The following ZNF331 variants were observed in gnomAD, a reference collection of about 807,000 sequenced individuals.
ZNF331 encodes the protein C2H2-like zinc finger protein rearranged in thyroid adenomas.
ZNF331 carries 2 observed loss-of-function variants against 7.0 expected under a neutral mutation model. The ratio of observed to expected loss-of-function variants is 0.29; its 90% CI spans 0.12 to 0.90. The LOEUF is 0.90. Among genes scored for constraint, ZNF331 ranks in the 40% least tolerant of loss-of-function variants. ZNF331 has a pLI of 0.58. For synonymous variants in ZNF331, 196 were observed against 205.4 expected, an observed-to-expected ratio of 0.95 and a Z score of 0.39; for missense variants, 432 against 587.7, an observed-to-expected ratio of 0.74 and a Z score of 2.74.
Position 53,577,706 on chromosome 19 carries a change from G to T in ZNF331, c.1146G>T (p.Pro382=), listed in dbSNP as rs78728132. 2 of 1,613,480 alleles carry T rather than the reference G, an allele frequency of 1.2e-6. No individual in the cohort carries two copies. The highest frequency in any genetic ancestry group is 2.7e-5 in the African/African-American group (2 of 74,694). The change falls in exon 6 of 6, where the codon CCG becomes CCT. Residue 382 remains proline (P), a synonymous_variant. Coordinates refer to ENST00000449416, the MANE Select transcript of ZNF331 (RefSeq NM_001079906.2). ...QHERIHTGET[P]YKCKECGKAF... ...AGAGAATCCACACAGGCGAAACCCC[G>T]TATAAATGTAAGGAGTGTGGGAAGG...
intron 5 of ZNF331, among the ~76,000 whole-genome samples, chr19:53,575,473 G>T (rs1252810703): frequency 3.0e-5 from 4 of 135,126 alleles, no homozygotes; most frequent in African/African-American, 1.1e-4. Flanking sequence ...TGTTGCTTTT[G>T]AATGTTGTAT....
chr19:53,517,715 G>A (rs2086936093), upstream of ZNF331, among the ~76,000 whole-genome samples: 1 of 152,172 alleles, frequency 6.6e-6, no homozygotes, highest in Admixed American at 6.5e-5. Flanking sequence ...TGCAAGCTGA[G>A]GAAGAAAGAA....
Position 53,571,641 on chromosome 19 carries a change from C to G in ZNF331, c.47C>G (p.Ser16Cys), listed in dbSNP as rs1273882418. The G allele has an allele frequency of 2.5e-6, 4 of 1,614,092 alleles. No individual in the cohort carries two copies. The Admixed American group carries it at 6.7e-5, about 27-fold the overall frequency. ...VTFADVAIDF[S>C]QEEWACLNSA... ...TTCGCCGACGTAGCCATAGACTTTT[C>G]TCAGGAGGAGTGGGCCTGTCTGAAC... The change falls in exon 5 of 6, where the codon TCT (serine) becomes TGT (cysteine). Residue 16 changes from serine to cysteine, a missense_variant. Ser to Cys is a moderately radical substitution (Grantham distance 112). Transcript: ENST00000449416. The surrounding 1 kb of genome is among the most constrained non-coding windows in gnomAD (Gnocchi z 4.7).
In ZNF331 at chr19:53,546,140, G is replaced by GAAAAAAAAAAAAAAAAAAAAAAA. The variant is rs527391326; in HGVS notation, c.-138+6879_-138+6880insAAAAAAAAAAAAAAAAAAAAAAA. Among the ~76,000 whole-genome samples, 259 of 113,402 alleles carry GAAAAAAAAAAAAAAAAAAAAAAA rather than the reference G, an allele frequency of 2.3e-3. 8 individuals carry two copies. The highest frequency in any genetic ancestry group is 3.1e-3 in the African/African-American group (105 of 34,350). The allele number at this position is 113,402 out of a possible 152,430, so 74.4% of individuals were successfully genotyped here. ...CCTTCAGAAAAAGCATCCTGAGGGG[G>GAAAAAAAAAAAAAAAAAAAAAAA]AAAAAAAAAAAAAAAAAAAAATTAT... On this transcript the variant is annotated intron_variant, in intron 2 of 5. Coordinates refer to ENST00000449416, the MANE Select transcript of ZNF331 (RefSeq NM_001079906.2).
chr19:53,576,629 G>A (rs2090736969), intron 5 of ZNF331, 68 bp from the exon 6 acceptor site: 2 of 1,376,526 alleles, frequency 1.5e-6, no homozygotes, highest in African/African-American at 2.9e-5. Flanking sequence ...ACGAGTTTTT[G>A]GTTTGTGGTT....
At chr19:53,568,518 A>G (rs1010796501) in intron 3 of ZNF331, among the ~76,000 whole-genome samples, 13 of 152,186 alleles carry the variant, frequency 8.5e-5, no homozygotes, top group African/African-American at 3.1e-4. Context: ...CTGCGTGACC[A>G]AAAGCTCCTA....
intron 5 of ZNF331, among the ~76,000 whole-genome samples, chr19:53,572,084 C>G (rs898277742): frequency 6.6e-6 from 1 of 152,128 alleles, no homozygotes; most frequent in Non-Finnish European, 1.5e-5. Context: ...TAGGGACCCA[C>G]GTCTAGGGAA....
intron 2 of ZNF331, among the ~76,000 whole-genome samples, chr19:53,541,897 C>A (rs953552901): frequency 6.6e-6 from 1 of 151,872 alleles, no homozygotes; most frequent in Non-Finnish European, 1.5e-5. Flanking sequence ...CCTATAGTTT[C>A]AGCTACTCAG....
At chr19:53,553,269 G>T (rs1438371887) in intron 2 of ZNF331, among the ~76,000 whole-genome samples, 1 of 147,420 alleles carries the variant, frequency 6.8e-6, no homozygotes, top group Non-Finnish European at 1.5e-5. Flanking sequence ...CCTGGCCTAG[G>T]CAACAAGAGT....
At chr19:53,530,924 G>A (rs1465167973) in intron 2 of ZNF331, among the ~76,000 whole-genome samples, 1 of 152,170 alleles carries the variant, frequency 6.6e-6, no homozygotes, top group Non-Finnish European at 1.5e-5. Flanking sequence ...CTTACAGAGG[G>A]AGGTCAGCTA....
At chr19:53,555,823 C>G (rs1459779124) in intron 2 of ZNF331, 22 bp from the exon 3 acceptor site, 1 of 152,114 alleles carries the variant, frequency 6.6e-6, no homozygotes, top group East Asian at 1.9e-4. Flanking sequence ...AGGTGTTACC[C>G]TTCTGGTTCT....
intron 2 of ZNF331, among the ~76,000 whole-genome samples, chr19:53,524,266 T>C (rs2087205779): frequency 6.6e-6 from 1 of 152,244 alleles, no homozygotes; most frequent in Non-Finnish European, 1.5e-5. Flanking sequence ...TATAATCTTT[T>C]GGGTATATAC....
upstream of ZNF331, among the ~76,000 whole-genome samples, chr19:53,536,600 T>C (rs1009845967): frequency 3.3e-5 from 5 of 152,214 alleles, no homozygotes; most frequent in Admixed American, 3.3e-4. Flanking sequence ...AAGATTTTCA[T>C]TTTTAAAAAT....
chr19:53,505,722 C>T, the ZNF331 span, among the ~76,000 whole-genome samples: 3 of 151,958 alleles, frequency 2.0e-5, no homozygotes, highest in Non-Finnish European at 4.4e-5. Flanking sequence ...CGTGGTGGCT[C>T]ACGCCTGTAA....
At chr19:53,546,940 AG>A (rs1338343011) in intron 2 of ZNF331, among the ~76,000 whole-genome samples, 2 of 152,112 alleles carry the variant, frequency 1.3e-5, no homozygotes, top group Non-Finnish European at 2.9e-5. Flanking sequence ...TTCTGGATCT[AG>A]GGCAGAGGTT....
chr19:53,547,429 C>T (rs907027210), intron 2 of ZNF331, among the ~76,000 whole-genome samples: 1 of 152,146 alleles, frequency 6.6e-6, no homozygotes, highest in Non-Finnish European at 1.5e-5. Context: ...TTTATTAATT[C>T]CTGATGAGTA....
intron 2 of ZNF331, among the ~76,000 whole-genome samples, chr19:53,530,873 G>A (rs74512265): frequency 3.3e-5 from 5 of 152,300 alleles, no homozygotes; most frequent in Admixed American, 2.0e-4. Flanking sequence ...ACAGGTGTGC[G>A]AGTATCTTGG....
chr19:53,571,947 C>G lies in ZNF331; in HGVS notation c.136+217C>G, dbSNP rs1202246621. Among the ~76,000 whole-genome samples, 2 of 152,206 alleles carry G rather than the reference C, an allele frequency of 1.3e-5. No individual in the cohort carries two copies. The highest frequency in any genetic ancestry group is 1.5e-5 in the Non-Finnish European group (1 of 68,048). On this transcript the variant is annotated intron_variant, in intron 5 of 5. Coordinates refer to ENST00000449416, the MANE Select transcript of ZNF331 (RefSeq NM_001079906.2). The surrounding 1 kb of genome is among the most constrained non-coding windows in gnomAD (Gnocchi z 4.7). ...TGTCGACTCCCCCGTAATCATCTCA[C>G]TTCCTTAATGTCCGTGGAATGAGTG...
upstream of ZNF331, among the ~76,000 whole-genome samples, chr19:53,534,239 C>T (rs2087651628): frequency 6.6e-6 from 1 of 151,914 alleles, no homozygotes; most frequent in East Asian, 1.9e-4. Context: ...CATTCTCTTT[C>T]ATGGCCTTTC....
Sources: gnomAD v4.1 joint callset for allele counts (sites outside exome capture counted in the v4.1 genomes callset) on GRCh38, gnomAD v4.1.1 for gene constraint, Gnocchi (gnomAD v3.1) non-coding constraint, MANE v1.5 for transcripts, NCBI Gene and HGNC (gene_info 2026-07-23, HGNC 2026-07-21) for gene names.